The following CACNA1B variants were observed in gnomAD, a reference collection of about 807,000 sequenced individuals.
CACNA1B encodes the protein calcium voltage-gated channel subunit alpha1 B.
In CACNA1B, 70 loss-of-function variants were observed where a neutral mutation model predicts 247.2. The observed-to-expected ratio is 0.28, with a 90% CI of 0.23 to 0.35. The LOEUF (loss-of-function observed/expected upper bound fraction) is 0.35, where lower values mean the gene tolerates loss of function less well. Ranked by LOEUF, CACNA1B falls within the 10% of genes least tolerant of loss-of-function variation. The pLI is 1.00. For synonymous variants in CACNA1B, 1,231 were observed against 1,294.4 expected (o/e 0.95, Z 1.05); for missense variants, 2,367 against 3,197.4 (o/e 0.74, Z 6.26).
intron 31 of CACNA1B, among the ~76,000 whole-genome samples, chr9:138,067,016 G>A (rs576281316): frequency 6.6e-6 from 1 of 152,290 alleles, no homozygotes; most frequent in South Asian, 2.1e-4. Flanking sequence ...TAAAATACAC[G>A]ATGTAAGGCA....
intron 15 of CACNA1B, among the ~76,000 whole-genome samples, chr9:138,003,770 G>A (rs1404410903): frequency 1.3e-5 from 2 of 149,482 alleles, no homozygotes; most frequent in South Asian, 2.1e-4. Context: ...TCAAACTCAC[G>A]GGCTTGCCTT....
intron 39 of CACNA1B, among the ~76,000 whole-genome samples, chr9:138,110,462 G>A (rs1961583176): frequency 6.6e-6 from 1 of 151,868 alleles, no homozygotes; most frequent in African/African-American, 2.4e-5. Flanking sequence ...GCTTGTACCT[G>A]CAATCCCAGC....
At position 138,059,782 on chromosome 9, in the gene CACNA1B, C is replaced by T. The variant is rs766091444; in HGVS notation, c.4668+45C>T. The T allele has an allele frequency of 9.3e-7, 1 of 1,073,328 alleles. No individual in the cohort carries two copies. Among genetic ancestry groups the T allele is most frequent in the African/African-American group, 1.6e-5 (1 of 64,162 alleles). 66.5% of individuals were successfully genotyped at this position (1,073,328 alleles called of 1,614,324 possible). The stretch of plus-strand genomic sequence containing the variant: ...CTCCTTCAGGGTCCCCAGGTGGTTT[C>T]CTTCTAGAGCCTGCTCCCCTCAGTG... On this transcript the variant is annotated intron_variant, in intron 31 of 46. Coordinates refer to ENST00000371372, the MANE Select transcript of CACNA1B (RefSeq NM_000718.4). This position sits in a 1 kb window ranked among gnomAD's most constrained non-coding sequence, Gnocchi z 4.2.
chr9:137,918,207 G>T (rs1208575557), intron 6 of CACNA1B, among the ~76,000 whole-genome samples: 4 of 150,652 alleles, frequency 2.7e-5, no homozygotes, highest in Non-Finnish European at 4.4e-5. Context: ...TGAGTATAAG[G>T]CTTGGGGGGG....
chr9:138,075,334 G>C (rs1960278348), intron 34 of CACNA1B, among the ~76,000 whole-genome samples: 1 of 152,212 alleles, frequency 6.6e-6, no homozygotes, highest in Non-Finnish European at 1.5e-5. Flanking sequence ...CCAGATTCCA[G>C]ATTTTGGGCT....
rs559535869 is a variant in CACNA1B, at chr9:138,046,413, G to T, written c.3414-491G>T. Among the ~76,000 whole-genome samples the T allele has an allele frequency of 1.1e-4, 17 of 152,248 alleles. No homozygotes were observed. In the South Asian group the frequency reaches 3.5e-3, roughly 32 times the overall value. On this transcript the variant is annotated intron_variant, in intron 21 of 46. Coordinates refer to ENST00000371372, the MANE Select transcript of CACNA1B (RefSeq NM_000718.4). ...CACAGGCCCCAGAGAACTTTCCTAG[G>T]GCAAGAGAGGCCTGCTCTCCGTGAG...
chr9:138,006,639 G>T, intron 15 of CACNA1B, 128 bp from the exon 16 acceptor site: 1 of 655,058 alleles, frequency 1.5e-6, no homozygotes, highest in South Asian at 1.7e-5. Flanking sequence ...TAAAGACCTG[G>T]ATGTGCATGT....
rs2278973 is a variant in CACNA1B at position 138,121,810 on chromosome 9, T to A, written c.6831T>A (p.Thr2277=). Reference sequence around the variant, plus strand: ...CTGTCCACGCCCTGCCTGAGGACACTCTCACTTTCGAGGAGGCTGTGGCCA... The same window carrying A: ...CTGTCCACGCCCTGCCTGAGGACACACTCACTTTCGAGGAGGCTGTGGCCA... ...EASVHALPED[T]LTFEEAVATN... is the part of the protein sequence containing the mutation. The change falls in exon 47 of 47, where the codon ACT becomes ACA. Residue 2277 remains threonine, a synonymous_variant. Transcript: ENST00000371372. The surrounding 1 kb of genome is among the most constrained non-coding windows in gnomAD (Gnocchi z 6.8). 39 of 1,613,186 alleles carry A rather than the reference T, an allele frequency of 2.4e-5. No individual in the cohort carries two copies. The East Asian group carries it at 5.1e-4, about 21-fold the overall frequency.
rs190425408 is a variant in CACNA1B, at chr9:138,087,708, C to T, written c.5095-8776C>T. 1.5e-3 allele frequency among the ~76,000 whole-genome samples: 139 copies of T among 94,582 alleles called. 2 individuals are homozygous for T. The East Asian group carries it at 0.028, about 19-fold the overall frequency. The allele number at this position is 94,582 out of a possible 152,430, so 62.0% of individuals were successfully genotyped here. On this transcript the variant is annotated intron_variant, in intron 36 of 46. Coordinates refer to ENST00000371372, the MANE Select transcript of CACNA1B (RefSeq NM_000718.4). ...CCAGCCTGGTGACAGAGTGAGACTC[C>T]GTCTCAAAAAAAAAAAAAAAAAAAA...
chr9:138,004,715 A>G (rs1024195411), intron 15 of CACNA1B, among the ~76,000 whole-genome samples: 1 of 152,310 alleles, frequency 6.6e-6, no homozygotes, highest in African/African-American at 2.4e-5. Flanking sequence ...GTGGAACCCT[A>G]AAGACTTGGA....
At chr9:138,101,688 T>C (rs1961257857) in intron 37 of CACNA1B, among the ~76,000 whole-genome samples, 2 of 152,186 alleles carry the variant, frequency 1.3e-5, no homozygotes, top group Admixed American at 1.3e-4. Flanking sequence ...AGACAAGCCG[T>C]CCTGCTTTGC....
chr9:138,102,920 C>A lies in CACNA1B; in HGVS notation c.5319+113C>A. The A allele has an allele frequency of 1.5e-6, 1 of 646,160 alleles. No individual in the cohort carries two copies. The highest frequency in any genetic ancestry group is 1.9e-5 in the South Asian group (1 of 52,244). 40.0% of individuals were successfully genotyped at this position (646,160 alleles called of 1,614,324 possible). A position where few individuals can be genotyped will look rare whatever the true frequency, so the allele number is the denominator to read the frequency against. On this transcript the variant is annotated intron_variant, in intron 38 of 46. Coordinates refer to ENST00000371372, the MANE Select transcript of CACNA1B (RefSeq NM_000718.4). This position sits in a 1 kb window ranked among gnomAD's most constrained non-coding sequence, Gnocchi z 5.4. ...TCAGGGTGCCCGGCTGTCTGTCTGC[C>A]GCTCTGCTGTGCGCCCCCGGCTGCC... is the stretch of plus-strand genomic sequence containing the variant.
intron 6 of CACNA1B, among the ~76,000 whole-genome samples, chr9:137,933,349 C>G (rs1214577400): frequency 6.6e-6 from 1 of 152,166 alleles, no homozygotes; most frequent in African/African-American, 2.4e-5. Flanking sequence ...CCGCGTCCGG[C>G]ACATTGATGA....
At position 137,957,648 on chromosome 9, in the gene CACNA1B, G is replaced by A. The variant is rs923638389; in HGVS notation, c.1294G>A (p.Glu432Lys). Residue 432 changes from glutamate to lysine, a missense_variant, in exon 10 of 47, where the codon GAG becomes AAG. Coordinates refer to ENST00000371372, the MANE Select transcript of CACNA1B (RefSeq NM_000718.4). This position sits in a 1 kb window ranked among gnomAD's most constrained non-coding sequence, Gnocchi z 4.7. The stretch of plus-strand genomic sequence containing the variant: ...GAGCAGAAATGACCTGATCCACGCA[G>A]AGGAGGGAGAGGACCGGTTTGCAGA... ...KKSRNDLIHA[E>K]EGEDRFADLC... is the part of the protein sequence containing the mutation. 1.2e-6 allele frequency: 2 copies of A among 1,603,776 alleles called. No individual in the cohort carries two copies. Among genetic ancestry groups the A allele is most frequent in the Admixed American group, 3.4e-5 (2 of 58,682 alleles).
rs1962089094 is a variant in CACNA1B, at chr9:138,121,326, G to C, written c.6490-143G>C. The C allele has an allele frequency of 8.0e-6, 5 of 623,594 alleles. No individual in the cohort carries two copies. The highest frequency in any genetic ancestry group is 1.9e-5 in the African/African-American group (1 of 54,026). The allele number at this position is 623,594 out of a possible 1,614,324, so 38.6% of individuals were successfully genotyped here. A position where few individuals can be genotyped will look rare whatever the true frequency, so the allele number is the denominator to read the frequency against. On this transcript the variant is annotated intron_variant, in intron 46 of 46. Coordinates refer to ENST00000371372, the MANE Select transcript of CACNA1B (RefSeq NM_000718.4). The surrounding 1 kb of genome is among the most constrained non-coding windows in gnomAD (Gnocchi z 6.8). ...GCACACAGGTGCCTGTTGCCTCCCTGGTCACCGCAGCCCGTTGTCCCCCAT... is the reference window on the plus strand; with the variant it reads ...GCACACAGGTGCCTGTTGCCTCCCTCGTCACCGCAGCCCGTTGTCCCCCAT...
chr9:138,035,329 G>C (rs1959029321), intron 20 of CACNA1B, among the ~76,000 whole-genome samples: 1 of 152,092 alleles, frequency 6.6e-6, no homozygotes, highest in East Asian at 1.9e-4. Flanking sequence ...TGTGGTGATG[G>C]GTGCCTGTAA....
intron 31 of CACNA1B, among the ~76,000 whole-genome samples, chr9:138,065,008 G>A (rs796146850): frequency 2.0e-5 from 3 of 152,316 alleles, no homozygotes; most frequent in African/African-American, 7.2e-5. Context: ...CCTATGCTCA[G>A]CATCTGCCAA....
In CACNA1B at chr9:138,058,032, C is replaced by G; in HGVS notation, c.4107-17C>G. On this transcript the variant is annotated splice_polypyrimidine_tract_variant and intron_variant, in intron 27 of 46. Coordinates refer to ENST00000371372, the MANE Select transcript of CACNA1B (RefSeq NM_000718.4). This position sits in a 1 kb window ranked among gnomAD's most constrained non-coding sequence, Gnocchi z 4.7. ...CCTTTGGGGGTTCCCCTGACACTTG[C>G]TCTCCTCTTTGCCCAGGGTGCTGAA... 1 of 1,608,712 alleles carries G rather than the reference C, an allele frequency of 6.2e-7. No homozygotes were observed. Among genetic ancestry groups the G allele is most frequent in the South Asian group, 1.1e-5 (1 of 90,966 alleles).
chr9:138,002,462 G>A (rs1385391633), intron 15 of CACNA1B, among the ~76,000 whole-genome samples: 3 of 151,556 alleles, frequency 2.0e-5, no homozygotes, highest in African/African-American at 7.3e-5. Flanking sequence ...TAATCCCAGT[G>A]CTTTGGGAGG....
Sources: gnomAD v4.1 joint callset for allele counts (sites outside exome capture counted in the v4.1 genomes callset) on GRCh38, gnomAD v4.1.1 for gene constraint, Gnocchi (gnomAD v3.1) non-coding constraint, MANE v1.5 for transcripts, NCBI Gene and HGNC (gene_info 2026-07-23, HGNC 2026-07-21) for gene names.